SOCS6: variants seen among roughly 807,000 people sequenced by gnomAD.
SOCS6 encodes suppressor of cytokine signaling 6.
A neutral mutation model predicts 27.7 loss-of-function variants in SOCS6; 5 were observed. The ratio of observed to expected loss-of-function variants is 0.18; its 90% confidence interval spans 0.09 to 0.38. The LOEUF (loss-of-function observed/expected upper bound fraction) is 0.38. Ranked by LOEUF, SOCS6 falls within the 10% of genes least tolerant of loss-of-function variation. SOCS6 has a pLI of 1.00. For missense variants in SOCS6, 595 were observed against 688.1 expected (o/e 0.86, Z 1.51); for synonymous variants, 271 against 260.0 (o/e 1.04, Z -0.41).
rs1911348063 is a variant in SOCS6, at chr18:70,329,779, G to A, written c.*3503G>A. 1 of 166,898 alleles carries A rather than the reference G, an allele frequency of 6.0e-6. No homozygotes were observed. 10.3% of individuals were successfully genotyped at this position (166,898 alleles called of 1,614,324 possible). A position where few individuals can be genotyped will look rare whatever the true frequency, so the allele number is the denominator to read the frequency against. ...ATACTTTTTTAATCCTGTAAAGAAG[G>A]GTTTTTATAAACATTCTTTTTATTA... On this transcript the variant is annotated 3_prime_UTR_variant, in exon 2 of 2. Transcript: ENST00000397942.
intron 1 of SOCS6, among the ~76,000 whole-genome samples, chr18:70,292,788 C>G (rs1247251431): frequency 6.6e-6 from 1 of 152,220 alleles, no homozygotes; most frequent in Non-Finnish European, 1.5e-5. Context: ...CCTCAACAAT[C>G]TAAGCTGCTT....
At chr18:70,318,030 T>C (rs2062420213) in intron 1 of SOCS6, among the ~76,000 whole-genome samples, 1 of 152,152 alleles carries the variant, frequency 6.6e-6, no homozygotes, top group Admixed American at 6.5e-5. Context: ...ATTTTTGTAA[T>C]TTTTGGTAGA....
At chr18:70,300,946 G>A (rs1039385964) in intron 1 of SOCS6, among the ~76,000 whole-genome samples, 3 of 152,172 alleles carry the variant, frequency 2.0e-5, no homozygotes, top group Admixed American at 6.5e-5. Context: ...ATTGTGGTAA[G>A]AGCTAAGGGC....
At chr18:70,294,818 T>C (rs1057089167) in intron 1 of SOCS6, among the ~76,000 whole-genome samples, 19 of 152,246 alleles carry the variant, frequency 1.2e-4, no homozygotes, top group African/African-American at 4.3e-4. Flanking sequence ...ACTTGCCTTC[T>C]CTGCAGAGCC....
Position 70,325,646 on chromosome 18 carries a change from C to T in SOCS6, c.978C>T (p.Phe326=). 1 of 1,614,238 alleles carries T rather than the reference C, an allele frequency of 6.2e-7. No homozygotes were observed. Among genetic ancestry groups the T allele is most frequent in the African/African-American group, 1.3e-5 (1 of 75,068 alleles). ...PMQNNQIQRN[F]SGLTGTEAHV... ...AGAATAATCAAATCCAAAGGAACTT[C>T]AGTGGACTCACTGGCACAGAAGCCC... is the stretch of plus-strand genomic sequence containing the variant. The change falls in exon 2 of 2, where the codon TTC becomes TTT. Residue 326 remains phenylalanine, a synonymous_variant. Transcript: ENST00000397942. This position sits in a 1 kb window ranked among gnomAD's most constrained non-coding sequence, Gnocchi z 6.3.
chr18:70,325,597 T>A lies in SOCS6; in HGVS notation c.929T>A (p.Leu310His). The A allele has an allele frequency of 6.2e-7, 1 of 1,614,114 alleles. No homozygotes were observed. The highest frequency in any genetic ancestry group is 8.5e-7 in the Non-Finnish European group (1 of 1,179,976). ...PRAGHDDVPP[L>H]SPLLPPMQNN... ...GCGGGTCACGATGATGTCCCTCCAC[T>A]CTCACCATTGCTACCTCCAATGCAG... The change falls in exon 2 of 2, where the codon CTC (leucine) becomes CAC (histidine). Residue 310 changes from leucine to histidine, a missense_variant. Physicochemically the swap from Leu to His is moderately conservative, Grantham distance 99. Transcript: ENST00000397942. This position sits in a 1 kb window ranked among gnomAD's most constrained non-coding sequence, Gnocchi z 6.3.
At chr18:70,304,307 C>T (rs2062360261) in intron 1 of SOCS6, among the ~76,000 whole-genome samples, 1 of 152,102 alleles carries the variant, frequency 6.6e-6, no homozygotes, top group Non-Finnish European at 1.5e-5. Context: ...TGAAGTTTAC[C>T]TGCCGTGTGA....
At position 70,306,576 on chromosome 18, in the gene SOCS6, A is replaced by AT. The variant is rs1001878623; in HGVS notation, c.-127+17494dup. 5.8e-4 allele frequency among the ~76,000 whole-genome samples: 87 copies of AT among 150,990 alleles called. 1 individual carries two copies. Among genetic ancestry groups the AT allele is most frequent in the African/African-American group, 2.0e-3 (82 of 41,132 alleles). On this transcript the variant is annotated intron_variant, in intron 1 of 1. Coordinates refer to ENST00000397942, the MANE Select transcript of SOCS6 (RefSeq NM_004232.4). ...ATTTCTTCCTTTCCAATTTGTATGC[A>AT]TTTTTTTTCTTGTTCCACTGGCTCA...
Position 70,326,217 on chromosome 18 carries a change from A to G in SOCS6, c.1549A>G (p.Ile517Val). 6.2e-7 allele frequency: 1 copy of G among 1,614,140 alleles called. No individual in the cohort carries two copies. The highest frequency in any genetic ancestry group is 8.5e-7 in the Non-Finnish European group (1 of 1,180,002). Residue 517 changes from isoleucine (I) to valine (V), a missense_variant, in exon 2 of 2, where the codon ATT becomes GTT. By Grantham distance (29) the Ile-to-Val change is conservative. Transcript: ENST00000397942. ...ACGTCAGTATACCAGAATAGACTTA[A>G]TTCAGAAACTGCCTTTGCCAAACAA... is the stretch of plus-strand genomic sequence containing the variant. ...VIRQYTRIDL[I>V]QKLPLPNKMK...
At chr18:70,316,287 G>A (rs1262460815) in intron 1 of SOCS6, among the ~76,000 whole-genome samples, 2 of 151,786 alleles carry the variant, frequency 1.3e-5, no homozygotes, top group Non-Finnish European at 2.9e-5. Flanking sequence ...TTATTGCCTT[G>A]TGGTTAATTA....
In SOCS6 at chr18:70,294,715, A is replaced by G. The variant is rs79006320; in HGVS notation, c.-127+5625A>G. 2.7e-3 allele frequency among the ~76,000 whole-genome samples: 405 copies of G among 152,290 alleles called. 17 individuals carry two copies. The East Asian group carries it at 0.07, about 26-fold the overall frequency. ...GCAAGCTGCTAGACTGGTAAGGATT[A>G]CAGGTGGTCACAGTGTTAGCAGCAA... On this transcript the variant is annotated intron_variant, in intron 1 of 1. Transcript: ENST00000397942.
chr18:70,307,824 G>A (rs2062375605), intron 1 of SOCS6, among the ~76,000 whole-genome samples: 1 of 151,420 alleles, frequency 6.6e-6, no homozygotes, highest in East Asian at 1.9e-4. Context: ...TTTCCCTCTT[G>A]TTTTTCTGTT....
In SOCS6 at chr18:70,326,428, AG is replaced by A; in HGVS notation, c.*153del. 2 of 673,644 alleles carry A rather than the reference AG, an allele frequency of 3.0e-6. No individual in the cohort carries two copies. Among genetic ancestry groups the A allele is most frequent in the South Asian group, 4.2e-5 (2 of 48,022 alleles). 41.7% of individuals were successfully genotyped at this position (673,644 alleles called of 1,614,324 possible). ...TCATCAGTTTGTTTAGGGGTGGGGA[AG>A]TGTCAGCAAGGTGTCTTGGGTTTAT... On this transcript the variant is annotated 3_prime_UTR_variant, in exon 2 of 2. Coordinates refer to ENST00000397942, the MANE Select transcript of SOCS6 (RefSeq NM_004232.4).
intron 1 of SOCS6, among the ~76,000 whole-genome samples, chr18:70,291,013 G>A (rs941844048): frequency 4.6e-5 from 7 of 152,082 alleles, no homozygotes; most frequent in African/African-American, 1.7e-4. Flanking sequence ...TGTACTGACT[G>A]GGTTTCTAGT....
At chr18:70,293,550 T>G (rs1284270738) in intron 1 of SOCS6, among the ~76,000 whole-genome samples, 1 of 152,162 alleles carries the variant, frequency 6.6e-6, no homozygotes, top group Non-Finnish European at 1.5e-5. Flanking sequence ...ATCTGAAATC[T>G]CCTGGTATCC....
At chr18:70,324,496 G>C (rs796847052) in intron 1 of SOCS6, 47 bp from the exon 2 acceptor site, 15 of 524,168 alleles carry the variant, frequency 2.9e-5, no homozygotes, top group African/African-American at 2.7e-4. Context: ...CAAAACTTTT[G>C]TGGAAATATT....
At position 70,298,787 on chromosome 18, in the gene SOCS6, T is replaced by C. The variant is rs540896633; in HGVS notation, c.-127+9697T>C. Among the ~76,000 whole-genome samples, 85 of 152,338 alleles carry C rather than the reference T, an allele frequency of 5.6e-4. 1 individual carries two copies. Among genetic ancestry groups the C allele is most frequent in the African/African-American group, 2.0e-3 (84 of 41,588 alleles). On this transcript the variant is annotated intron_variant, in intron 1 of 1. Transcript: ENST00000397942. Reference sequence around the variant, plus strand: ...AAAGATAAAAGGCTGATTTATTTCTTGTGATGTGTTTCCAACACCAACAAC... The same window carrying C: ...AAAGATAAAAGGCTGATTTATTTCTCGTGATGTGTTTCCAACACCAACAAC...
chr18:70,310,547 G>A (rs1359337951), intron 1 of SOCS6, among the ~76,000 whole-genome samples: 2 of 145,400 alleles, frequency 1.4e-5, no homozygotes, highest in African/African-American at 5.1e-5. Flanking sequence ...GGCTCAAGCA[G>A]TCTGCACACC....
intron 1 of SOCS6, among the ~76,000 whole-genome samples, chr18:70,318,619 T>G (rs1318718644): frequency 6.6e-6 from 1 of 151,934 alleles, no homozygotes; most frequent in East Asian, 1.9e-4. Flanking sequence ...ATTGTTGTTT[T>G]TTTTTTTTAA....
Sources: gnomAD v4.1 joint callset for allele counts (sites outside exome capture counted in the v4.1 genomes callset) on GRCh38, gnomAD v4.1.1 for gene constraint, Gnocchi (gnomAD v3.1) non-coding constraint, MANE v1.5 for transcripts, NCBI Gene and HGNC (gene_info 2026-07-23, HGNC 2026-07-21) for gene names.